The following FCHSD2 variants were observed in gnomAD, a reference collection of about 807,000 sequenced individuals.
FCHSD2 encodes FCH and double SH3 domains 2.
In FCHSD2, 38 loss-of-function variants were observed where a neutral mutation model predicts 108.1. That is an observed-to-expected ratio of 0.35 (90% CI 0.27 to 0.46). FCHSD2 has a LOEUF of 0.46. Ranked by LOEUF, FCHSD2 falls within the 20% of genes least tolerant of loss-of-function variation. The pLI is 1.00. For missense variants in FCHSD2, 751 were observed against 897.8 expected (o/e 0.84, Z 2.09); for synonymous variants, 279 against 314.7 (o/e 0.89, Z 1.20).
intron 9 of FCHSD2, among the ~76,000 whole-genome samples, chr11:72,919,939 G>GA (rs1383903097): frequency 6.6e-6 from 1 of 151,660 alleles, no homozygotes; most frequent in Non-Finnish European, 1.5e-5. Context: ...TTAATAAGGA[G>GA]AAAAAAATAG....
At chr11:72,883,506 G>T (rs192286311) in intron 12 of FCHSD2, among the ~76,000 whole-genome samples, 120 of 152,244 alleles carry the variant, frequency 7.9e-4, no homozygotes, top group Admixed American at 3.5e-3. Flanking sequence ...TTTACTAAGG[G>T]GGATATATGA....
chr11:73,000,759 G>GT lies in FCHSD2; in HGVS notation c.387+230dup, dbSNP rs1329483530. On this transcript the variant is annotated intron_variant, in intron 5 of 19. Coordinates refer to ENST00000409418, the MANE Select transcript of FCHSD2 (RefSeq NM_014824.3). ...TGCCGAAAAGCGGTATTACTAAAAA[G>GT]TATTTACTGAGCTTTTTGAACGTCC... 2.6e-5 allele frequency among the ~76,000 whole-genome samples: 4 copies of GT among 152,254 alleles called. No individual in the cohort carries two copies. The East Asian group carries it at 5.8e-4, about 22-fold the overall frequency.
chr11:73,001,704 G>A (rs1442763569), intron 4 of FCHSD2, among the ~76,000 whole-genome samples: 1 of 152,162 alleles, frequency 6.6e-6, no homozygotes, highest in Non-Finnish European at 1.5e-5. Context: ...TGATGTGCTT[G>A]CAAAGTCTAT....
chr11:73,112,129 T>C (rs1394678583), intron 2 of FCHSD2, among the ~76,000 whole-genome samples: 2 of 152,244 alleles, frequency 1.3e-5, no homozygotes, highest in Admixed American at 6.5e-5. Context: ...AATGTCCTTT[T>C]CTTTCTGATT....
chr11:72,928,118 A>T (rs1856114171), intron 8 of FCHSD2, among the ~76,000 whole-genome samples: 1 of 152,066 alleles, frequency 6.6e-6, no homozygotes, highest in African/African-American at 2.4e-5. Context: ...CCACATATTG[A>T]TAATGGTTAA....
At chr11:72,940,464 T>A (rs1856392514) in intron 8 of FCHSD2, 1 of 669,654 alleles carries the variant, frequency 1.5e-6, no homozygotes, top group African/African-American at 1.8e-5. Flanking sequence ...GCTATTTTCC[T>A]TTCTGTCTGG....
chr11:72,873,769 G>A (rs1854911674), intron 12 of FCHSD2, among the ~76,000 whole-genome samples: 1 of 152,124 alleles, frequency 6.6e-6, no homozygotes, highest in Admixed American at 6.5e-5. Context: ...GGGTTGTTAA[G>A]ATAATTAACT....
chr11:73,093,730 T>C (rs1429303497), intron 2 of FCHSD2, among the ~76,000 whole-genome samples: 1 of 152,034 alleles, frequency 6.6e-6, no homozygotes, highest in Non-Finnish European at 1.5e-5. Flanking sequence ...GCCTCCCAAG[T>C]AGCTGGGATT....
intron 3 of FCHSD2, among the ~76,000 whole-genome samples, chr11:73,041,673 C>T (rs1174452810): frequency 6.6e-6 from 1 of 152,018 alleles, no homozygotes; most frequent in Non-Finnish European, 1.5e-5. Flanking sequence ...CTTGCAAATA[C>T]CTTCTCCCAT....
chr11:73,045,586 C>A (rs1858742703), intron 3 of FCHSD2, among the ~76,000 whole-genome samples: 1 of 150,484 alleles, frequency 6.6e-6, no homozygotes, highest in Non-Finnish European at 1.5e-5. Context: ...TACTATGCAG[C>A]CATAAAAAAT....
chr11:72,960,969 AAGCACTTTTT>A (rs1184724946), intron 8 of FCHSD2, among the ~76,000 whole-genome samples: 5 of 152,186 alleles, frequency 3.3e-5, no homozygotes, highest in Non-Finnish European at 7.3e-5. Flanking sequence ...TTTTGATCTA[AAGCACTTTTT>A]AGTGGTTGCA....
At chr11:72,901,768 A>T (rs1311324490) in intron 10 of FCHSD2, among the ~76,000 whole-genome samples, 1 of 152,210 alleles carries the variant, frequency 6.6e-6, no homozygotes, top group Non-Finnish European at 1.5e-5. Context: ...TATTCTAAGA[A>T]ATCTGAAAGG....
chr11:72,983,063 G>T (rs993264026), intron 8 of FCHSD2, among the ~76,000 whole-genome samples: 1 of 152,070 alleles, frequency 6.6e-6, no homozygotes, highest in Non-Finnish European at 1.5e-5. Flanking sequence ...GGGAGGCTGA[G>T]GCGGGCGGAT....
intron 3 of FCHSD2, among the ~76,000 whole-genome samples, chr11:73,021,892 A>G (rs537789001): frequency 1.3e-5 from 2 of 151,896 alleles, no homozygotes; most frequent in Non-Finnish European, 2.9e-5. Flanking sequence ...CAACACAAGG[A>G]GACCCCTGTC....
At chr11:73,029,645 T>A (rs1445959345) in intron 3 of FCHSD2, among the ~76,000 whole-genome samples, 1 of 152,194 alleles carries the variant, frequency 6.6e-6, no homozygotes. Flanking sequence ...TGCAGCACCC[T>A]TTCCCTATTG....
intron 8 of FCHSD2, among the ~76,000 whole-genome samples, chr11:72,928,917 C>T (rs1174644098): frequency 2.6e-5 from 4 of 151,954 alleles, no homozygotes; most frequent in African/African-American, 9.7e-5. Context: ...GTTCCCCTTC[C>T]TGTGTCCATG....
At chr11:73,035,125 TTTAAC>T (rs1858455311) in intron 3 of FCHSD2, among the ~76,000 whole-genome samples, 1 of 152,046 alleles carries the variant, frequency 6.6e-6, no homozygotes, top group South Asian at 2.1e-4. Context: ...TGACAAGTTA[TTTAAC>T]TTGTTTTTAG....
intron 17 of FCHSD2, among the ~76,000 whole-genome samples, 165 bp from the exon 18 acceptor site, chr11:72,841,748 C>T (rs1860960576): frequency 6.6e-6 from 1 of 152,190 alleles, no homozygotes; most frequent in Admixed American, 6.5e-5. Context: ...CCACCTCAAG[C>T]TCCAATTTTG....
At chr11:73,053,851 C>T (rs1858959426) in intron 3 of FCHSD2, among the ~76,000 whole-genome samples, 1 of 152,096 alleles carries the variant, frequency 6.6e-6, no homozygotes, top group Non-Finnish European at 1.5e-5. Context: ...TAATTGTTTT[C>T]TTTTTCCCTA....
Sources: allele counts gnomAD v4.1 joint callset (sites outside exome capture counted in the v4.1 genomes callset), GRCh38; gene constraint gnomAD v4.1.1; transcripts MANE v1.5; gene names NCBI Gene and HGNC (gene_info 2026-07-23, HGNC 2026-07-21).